The following ADGRL3 variants were observed in gnomAD, a reference collection of about 807,000 sequenced individuals.
The protein encoded by ADGRL3 is calcium-independent alpha-latrotoxin receptor 3.
In ADGRL3, 62 loss-of-function variants were observed where a neutral mutation model predicts 153.5. That is an observed-to-expected ratio of 0.40 (90% CI 0.33 to 0.50). The LOEUF is 0.50. Among genes scored for constraint, ADGRL3 ranks in the 20% least tolerant of loss-of-function variants. The pLI, the probability that ADGRL3 is intolerant of heterozygous loss-of-function variation, is 0.47. For missense variants in ADGRL3, 1,641 were observed against 1,859.4 expected (o/e 0.88, Z 2.16); for synonymous variants, 710 against 672.5 (o/e 1.06, Z -0.86).
intron 5 of ADGRL3, among the ~76,000 whole-genome samples, chr4:61,607,673 T>C (rs1250225969): frequency 6.6e-6 from 1 of 152,176 alleles, no homozygotes; most frequent in Non-Finnish European, 1.5e-5. Flanking sequence ...ACAAATCTTG[T>C]AACCTCTGGC....
intron 8 of ADGRL3, among the ~76,000 whole-genome samples, chr4:61,783,613 A>T (rs2097241367): frequency 6.6e-6 from 1 of 152,088 alleles, no homozygotes; most frequent in Admixed American, 6.5e-5. Context: ...AATATTTATG[A>T]TATGCAAAAT....
At chr4:61,331,385 T>C (rs2095569683) in intron 1 of ADGRL3, among the ~76,000 whole-genome samples, 1 of 152,188 alleles carries the variant, frequency 6.6e-6, no homozygotes, top group South Asian at 2.1e-4. Flanking sequence ...TATTTTTCAC[T>C]TTGACCTATA....
chr4:62,077,242 T>C lies in ADGRL3; in HGVS notation c.*6334T>C, dbSNP rs1440987903. 6.6e-6 allele frequency: 1 copy of C among 151,876 alleles called. No individual in the cohort carries two copies. Among genetic ancestry groups the C allele is most frequent in the Non-Finnish European group, 1.5e-5 (1 of 67,858 alleles). 9.4% of individuals were successfully genotyped at this position (151,876 alleles called of 1,614,324 possible). Reference sequence around the variant, plus strand: ...TTAATTTAAACATTGCCATTCAGATTGAATAATTTTTAAATGATGATGCTC... The same window carrying C: ...TTAATTTAAACATTGCCATTCAGATCGAATAATTTTTAAATGATGATGCTC... On this transcript the variant is annotated 3_prime_UTR_variant, in exon 27 of 27. Coordinates refer to ENST00000683033, the MANE Select transcript of ADGRL3 (RefSeq NM_001387552.1).
chr4:61,413,303 T>C (rs1578717249), intron 2 of ADGRL3, among the ~76,000 whole-genome samples: 1 of 152,104 alleles, frequency 6.6e-6, no homozygotes, highest in African/African-American at 2.4e-5. Flanking sequence ...TCCTTACTGG[T>C]GGGAAGTGAT....
At chr4:61,849,431 A>G (rs1188893538) in intron 9 of ADGRL3, among the ~76,000 whole-genome samples, 2 of 152,064 alleles carry the variant, frequency 1.3e-5, no homozygotes, top group Non-Finnish European at 2.9e-5. Context: ...TATCATTAGG[A>G]TGGATTCCAA....
chr4:61,647,295 C>T (rs1354967048), intron 5 of ADGRL3, among the ~76,000 whole-genome samples: 1 of 152,126 alleles, frequency 6.6e-6, no homozygotes, highest in African/African-American at 2.4e-5. Flanking sequence ...GCCATCTTGG[C>T]TCCTCCCCGA....
intron 3 of ADGRL3, among the ~76,000 whole-genome samples, chr4:61,512,398 C>A (rs2098468093): frequency 6.6e-6 from 1 of 152,008 alleles, no homozygotes; most frequent in Non-Finnish European, 1.5e-5. Context: ...GAAACTCAAC[C>A]CAAAATTTCT....
chr4:61,603,653 A>G (rs1194246702), intron 5 of ADGRL3, among the ~76,000 whole-genome samples: 1 of 152,186 alleles, frequency 6.6e-6, no homozygotes, highest in Non-Finnish European at 1.5e-5. Flanking sequence ...TATTTTCAGT[A>G]AGAAAAAATG....
chr4:61,439,935 T>G (rs1375896521), intron 2 of ADGRL3, among the ~76,000 whole-genome samples: 2 of 152,208 alleles, frequency 1.3e-5, no homozygotes, highest in Non-Finnish European at 2.9e-5. Flanking sequence ...TACATTTAAT[T>G]TTTATACATA....
chr4:61,456,381 ATATATATAGATATATCTATATC>A, intron 2 of ADGRL3, among the ~76,000 whole-genome samples: 1 of 107,684 alleles, frequency 9.3e-6, no homozygotes, highest in East Asian at 2.1e-4. Context: ...ATATCTATAT[ATATATATAGATATATCTATATC>A]TATATATATA....
At chr4:61,348,797 A>C (rs2095980068) in intron 1 of ADGRL3, among the ~76,000 whole-genome samples, 1 of 152,014 alleles carries the variant, frequency 6.6e-6, no homozygotes, top group Non-Finnish European at 1.5e-5. Flanking sequence ...TCTGCCTTTT[A>C]ATATTTAGTG....
At chr4:61,747,381 A>G (rs2096680113) in intron 8 of ADGRL3, among the ~76,000 whole-genome samples, 1 of 151,970 alleles carries the variant, frequency 6.6e-6, no homozygotes, top group African/African-American at 2.4e-5. Flanking sequence ...ATCCTGAACC[A>G]AAGCCTGGCA....
rs539274668 is a variant in ADGRL3, at chr4:61,212,675, A to G, written c.-240+10910A>G. On this transcript the variant is annotated intron_variant, in intron 1 of 26. Transcript: ENST00000683033. The stretch of plus-strand genomic sequence containing the variant: ...AAAGTTATGTTGAGTTTTCATTTTC[A>G]TTTGAAAGTACCAACTCAATATAAG... Among the ~76,000 whole-genome samples, 3 of 152,276 alleles carry G rather than the reference A, an allele frequency of 2.0e-5. No individual in the cohort carries two copies. In the South Asian group the frequency reaches 6.2e-4, roughly 32 times the overall value.
chr4:61,574,688 AATTT>A (rs979428442), intron 4 of ADGRL3, among the ~76,000 whole-genome samples: 3 of 151,874 alleles, frequency 2.0e-5, no homozygotes, highest in African/African-American at 7.2e-5. Context: ...CATACAAAAC[AATTT>A]TGAATTAATA....
chr4:61,459,022 A>T (rs1053323187), intron 2 of ADGRL3, among the ~76,000 whole-genome samples: 6 of 151,524 alleles, frequency 4.0e-5, no homozygotes, highest in African/African-American at 1.4e-4. Flanking sequence ...GTTATGTTGA[A>T]TATTAAACAG....
intron 1 of ADGRL3, among the ~76,000 whole-genome samples, chr4:61,309,401 T>G (rs764075816): frequency 6.6e-6 from 1 of 152,164 alleles, no homozygotes; most frequent in East Asian, 1.9e-4. Flanking sequence ...CTGGAGTATG[T>G]TACAAGCACC....
At chr4:61,866,718 C>T (rs1422101596) in intron 9 of ADGRL3, among the ~76,000 whole-genome samples, 1 of 152,154 alleles carries the variant, frequency 6.6e-6, no homozygotes, top group Non-Finnish European at 1.5e-5. Context: ...TCTCTGAAGA[C>T]TCTTCTGGCA....
chr4:61,357,323 T>G (rs1578411731), intron 1 of ADGRL3, among the ~76,000 whole-genome samples: 1 of 152,244 alleles, frequency 6.6e-6, no homozygotes, highest in Admixed American at 6.5e-5. Flanking sequence ...AATTATAATT[T>G]AAAAATGTAG....
At chr4:61,426,768 G>C (rs980097041) in intron 2 of ADGRL3, 1 of 152,274 alleles carries the variant, frequency 6.6e-6, no homozygotes, top group Non-Finnish European at 1.5e-5. Context: ...GAACTGGGTC[G>C]AGCAACATCA....
Sources: allele counts gnomAD v4.1 joint callset (sites outside exome capture counted in the v4.1 genomes callset), GRCh38; gene constraint gnomAD v4.1.1; transcripts MANE v1.5; gene names NCBI Gene and HGNC (gene_info 2026-07-23, HGNC 2026-07-21).